The following MAPK8IP3 variants were observed in gnomAD, a reference collection of about 807,000 sequenced individuals.
MAPK8IP3 encodes C-Jun-amino-terminal kinase-interacting protein 3.
A neutral mutation model predicts 157.8 loss-of-function variants in MAPK8IP3; 49 were observed. That is an observed-to-expected ratio of 0.31 (90% confidence interval 0.25 to 0.39). The LOEUF is 0.39. MAPK8IP3 is among the 10% of genes least tolerant of loss of function. The probability of loss-of-function intolerance (pLI) is 1.00; values close to 1 mark genes in which losing one functional copy is unlikely to be tolerated. For missense variants in MAPK8IP3, 1,478 were observed against 1,889.4 expected (o/e 0.78, Z 4.04); for synonymous variants, 897 against 777.7 (o/e 1.15, Z -2.55).
At chr16:1,714,150 C>T (rs1252058799) in intron 1 of MAPK8IP3, 2 of 152,320 alleles carry the variant, frequency 1.3e-5, no homozygotes, top group African/African-American at 2.4e-5. Flanking sequence ...CCCCCATGGC[C>T]AAGCAGGGTC....
chr16:1,740,376 G>A (rs558808664), intron 4 of MAPK8IP3, among the ~76,000 whole-genome samples: 5 of 151,086 alleles, frequency 3.3e-5, no homozygotes, highest in Admixed American at 2.0e-4. Context: ...CTGTGTGACC[G>A]TCCGTGTAAG....
In MAPK8IP3 at chr16:1,743,623, C is replaced by T. The variant is rs1230152313; in HGVS notation, c.747+147C>T. ...CTTCGTGTGTGGCAGGATGGAGAAA[C>T]CCAGCCAGGGTGTCAGGGGCTCAGG... is the stretch of plus-strand genomic sequence containing the variant. On this transcript the variant is annotated intron_variant, in intron 5 of 31. Transcript: ENST00000610761. This position sits in a 1 kb window ranked among gnomAD's most constrained non-coding sequence, Gnocchi z 5.6. The T allele has an allele frequency of 1.4e-6, 2 of 1,449,192 alleles. No homozygotes were observed. Among genetic ancestry groups the T allele is most frequent in the East Asian group, 2.8e-5 (1 of 36,168 alleles). The allele number at this position is 1,449,192 out of a possible 1,614,324, so 89.8% of individuals were successfully genotyped here. A position where few individuals can be genotyped will look rare whatever the true frequency, so the allele number is the denominator to read the frequency against.
At chr16:1,760,568 AC>A in intron 12 of MAPK8IP3, 36 bp downstream of exon 12, 2 of 1,589,706 alleles carry the variant, frequency 1.3e-6, no homozygotes, top group Non-Finnish European at 8.6e-7. Context: ...TCAGAGAGGG[AC>A]CCCGGCCTCA....
intron 1 of MAPK8IP3, among the ~76,000 whole-genome samples, chr16:1,709,918 C>A (rs188879640): frequency 3.7e-4 from 57 of 152,304 alleles, no homozygotes; most frequent in Admixed American, 2.8e-3. Context: ...GGTAACACCC[C>A]CCAGGCTCAT....
chr16:1,736,083 AGTGTGACCGTCCATGTGAGCATCC>A (rs2039760245), intron 4 of MAPK8IP3, among the ~76,000 whole-genome samples: 1 of 58,414 alleles, frequency 1.7e-5, no homozygotes, highest in East Asian at 5.0e-4. Flanking sequence ...TCCGTGTGAG[AGTGTGACCGTCCATGTGAGCATCC>A]GTGTGACCGT....
rs1224302283 is a variant in MAPK8IP3 at position 1,768,123 on chromosome 16, T to C, written c.3562+16T>C. 2.5e-6 allele frequency: 4 copies of C among 1,612,076 alleles called. No individual in the cohort carries two copies. The highest frequency in any genetic ancestry group is 3.4e-6 in the Non-Finnish European group (4 of 1,179,940). ...GGGCTCCGAGGTAAGCCCAGCCACC[T>C]CGTGTCCCCTCACGGGAGCCTCTCC... On this transcript the variant is annotated intron_variant, in intron 29 of 31. Transcript: ENST00000610761.
At chr16:1,723,453 A>T (rs1456532437) in intron 1 of MAPK8IP3, among the ~76,000 whole-genome samples, 1 of 151,974 alleles carries the variant, frequency 6.6e-6, no homozygotes, top group Non-Finnish European at 1.5e-5. Context: ...CCCGGCCTCT[A>T]CAAAAACTTC....
intron 17 of MAPK8IP3, 114 bp from the exon 18 acceptor site, chr16:1,764,001 C>T (rs1488350373): frequency 2.6e-6 from 3 of 1,158,872 alleles, no homozygotes. Context: ...CCACCTGCCT[C>T]CAGTCTTGAA....
intron 8 of MAPK8IP3, among the ~76,000 whole-genome samples, chr16:1,757,281 T>G (rs1328569844): frequency 7.2e-5 from 11 of 152,108 alleles, no homozygotes; most frequent in Non-Finnish European, 1.6e-4. Flanking sequence ...ATTTTTTGTA[T>G]TTTTAGTAGA....
chr16:1,749,973 T>G (rs1393106808), intron 8 of MAPK8IP3, among the ~76,000 whole-genome samples: 1 of 152,210 alleles, frequency 6.6e-6, no homozygotes, highest in Admixed American at 6.5e-5. Context: ...TTCAGTTCAG[T>G]AGTGTTGGAC....
In MAPK8IP3 at chr16:1,762,877, C is replaced by G. The variant is rs1303102988; in HGVS notation, c.1769C>G (p.Ala590Gly). 2 of 1,613,090 alleles carry G rather than the reference C, an allele frequency of 1.2e-6. No individual in the cohort carries two copies. Among genetic ancestry groups the G allele is most frequent in the Admixed American group, 3.3e-5 (2 of 60,008 alleles). The change falls in exon 16 of 32, where the codon GCC becomes GGC. Residue 590 changes from alanine (A) to glycine (G), a missense_variant. Ala to Gly is a moderately conservative substitution (Grantham distance 60). Coordinates refer to ENST00000610761, the MANE Select transcript of MAPK8IP3 (RefSeq NM_001318852.2). Reference protein sequence around the residue: ...LFSSSSSPPPAKRPYPSVNIH... With the variant: ...LFSSSSSPPPGKRPYPSVNIH... ...AGCTCTTCCTCCAGCCCCCCTCCGG[C>G]CAAGCGCCCCTATCCCTCGGTGAAC...
At chr16:1,750,837 G>A (rs1027677282) in intron 8 of MAPK8IP3, among the ~76,000 whole-genome samples, 7 of 151,798 alleles carry the variant, frequency 4.6e-5, no homozygotes, top group South Asian at 2.1e-4. Context: ...GTAGAGATGG[G>A]GTTTCACAGT....
Position 1,730,178 on chromosome 16 carries a change from T to C in MAPK8IP3, c.602+600T>C. On this transcript the variant is annotated intron_variant, in intron 4 of 31. Coordinates refer to ENST00000610761, the MANE Select transcript of MAPK8IP3 (RefSeq NM_001318852.2). ...CAGGAGGCTGAGAGAGGAGGATAGC[T>C]TGAGCCCAGGGGCTGGAGGCTGCAG... Among the ~76,000 whole-genome samples, 2 of 152,084 alleles carry C rather than the reference T, an allele frequency of 1.3e-5. 1 individual carries two copies. The highest frequency in any genetic ancestry group is 2.9e-5 in the Non-Finnish European group (2 of 68,024).
At position 1,763,747 on chromosome 16, in the gene MAPK8IP3, G is replaced by C; in HGVS notation, c.1989G>C (p.Gln663His). 6.3e-7 allele frequency: 1 copy of C among 1,588,602 alleles called. No homozygotes were observed. Residue 663 changes from glutamine to histidine, a missense_variant, in exon 17 of 32, where the codon CAG becomes CAC. Transcript: ENST00000610761. ...EHVRNDDGRL[Q>H]ACGWSLPAKY... The stretch of plus-strand genomic sequence containing the variant: ...TGCGTAACGACGACGGCCGTCTGCA[G>C]GCCTGCGGCTGGAGCCTGCCCGCCA...
chr16:1,724,722 C>T lies in MAPK8IP3; in HGVS notation c.439+45C>T. The T allele has an allele frequency of 6.3e-7, 1 of 1,592,606 alleles. No homozygotes were observed. Among genetic ancestry groups the T allele is most frequent in the Non-Finnish European group, 8.6e-7 (1 of 1,166,498 alleles). ...CTGGAGGCGCGCTTGATGGGCGCTGCTCTGGGACGGCTCTGGTTGGGGTGG... is the reference window on the plus strand; with the variant it reads ...CTGGAGGCGCGCTTGATGGGCGCTGTTCTGGGACGGCTCTGGTTGGGGTGG... On this transcript the variant is annotated intron_variant, in intron 2 of 31. Transcript: ENST00000610761. The surrounding 1 kb of genome is among the most constrained non-coding windows in gnomAD (Gnocchi z 4.1).
rs2042420491 is a variant in MAPK8IP3, at chr16:1,768,586, G to A, written c.3852G>A (p.Leu1284=). Residue 1284 remains leucine (L), a synonymous_variant, in exon 31 of 32, where the codon CTG becomes CTA. Coordinates refer to ENST00000610761, the MANE Select transcript of MAPK8IP3 (RefSeq NM_001318852.2). ...AGGGCCAGAAGCTGCGGAACGTGCT[G>A]GTGCTGAGCGGCGGGGAGGGCTACA... ...EVEGQKLRNV[L]VLSGGEGYID... The A allele has an allele frequency of 2.0e-5, 32 of 1,594,294 alleles. No homozygotes were observed. Among genetic ancestry groups the A allele is most frequent in the Non-Finnish European group, 2.7e-5 (32 of 1,171,238 alleles).
At chr16:1,714,178 C>A (rs925729043) in intron 1 of MAPK8IP3, 18 of 152,316 alleles carry the variant, frequency 1.2e-4, no homozygotes, top group African/African-American at 4.3e-4. Flanking sequence ...TGCCGTTTGT[C>A]CATCCGCCTG....
intron 1 of MAPK8IP3, among the ~76,000 whole-genome samples, chr16:1,709,379 C>T (rs1220135451): frequency 1.3e-5 from 2 of 152,248 alleles, no homozygotes; most frequent in Non-Finnish European, 1.5e-5. Flanking sequence ...TCCTCTTCCC[C>T]TCGCTGGGCT....
intron 8 of MAPK8IP3, among the ~76,000 whole-genome samples, chr16:1,749,640 G>C (rs909013395): frequency 1.3e-5 from 2 of 152,364 alleles, no homozygotes; most frequent in Admixed American, 6.5e-5. Context: ...CAGGCTTTCA[G>C]GCATGACAGG....
Sources: gnomAD v4.1 joint callset for allele counts (sites outside exome capture counted in the v4.1 genomes callset) on GRCh38, gnomAD v4.1.1 for gene constraint, Gnocchi (gnomAD v3.1) non-coding constraint, MANE v1.5 for transcripts, NCBI Gene and HGNC (gene_info 2026-07-23, HGNC 2026-07-21) for gene names.